Variants in BFSP2 observed in about 807,000 individuals in gnomAD.
BFSP2 encodes beaded filament structural protein 2.
BFSP2 carries 38 observed loss-of-function variants against 44.9 expected under a neutral mutation model. That is an observed-to-expected ratio of 0.85 (90% CI 0.65 to 1.11). The LOEUF (loss-of-function observed/expected upper bound fraction) is 1.11. Ranked by LOEUF, BFSP2 falls within the 50% of genes least tolerant of loss-of-function variation. BFSP2 has a pLI of 0.00. For synonymous variants in BFSP2, 197 were observed against 209.9 expected (o/e 0.94, Z 0.53); for missense variants, 525 against 533.0 (o/e 0.99, Z 0.15).
At chr3:133,457,961 C>T (rs1161679884) in intron 4 of BFSP2, among the ~76,000 whole-genome samples, 2 of 152,218 alleles carry the variant, frequency 1.3e-5, no homozygotes, top group Non-Finnish European at 2.9e-5. Flanking sequence ...ACATGGTATA[C>T]CTCTCATTTC....
rs1313632535 is a variant in BFSP2 at position 133,472,378 on chromosome 3, A to G, written c.1057A>G (p.Lys353Glu). 2.5e-6 allele frequency: 4 copies of G among 1,613,864 alleles called. No homozygotes were observed. In the East Asian group the frequency reaches 8.9e-5, roughly 36 times the overall value. Residue 353 changes from lysine to glutamate, a missense_variant, in exon 6 of 7, where the codon AAG becomes GAG. Transcript: ENST00000302334. The part of the protein sequence containing the change: ...RGLENTLHDA[K>E]HWHDMELQNL... ...CCTGGAGAACACCTTGCACGATGCC[A>G]AGCACTGGCATGACATGGAGCTCCA...
chr3:133,442,776 G>A (rs2107917942), intron 1 of BFSP2, among the ~76,000 whole-genome samples: 1 of 152,186 alleles, frequency 6.6e-6, no homozygotes, highest in South Asian at 2.1e-4. Flanking sequence ...TGGTTTCCGG[G>A]TAGACATTGG....
At chr3:133,465,047 C>A (rs1254636584) in intron 4 of BFSP2, among the ~76,000 whole-genome samples, 1 of 150,200 alleles carries the variant, frequency 6.7e-6, no homozygotes, top group Non-Finnish European at 1.5e-5. Context: ...TCACTGTCAC[C>A]CAGGCTGGAG....
At chr3:133,451,052 A>G (rs1474292649) in intron 4 of BFSP2, among the ~76,000 whole-genome samples, 2 of 144,034 alleles carry the variant, frequency 1.4e-5, no homozygotes, top group African/African-American at 5.1e-5. Flanking sequence ...CGGAGCTTGT[A>G]GTGAGCCAAG....
At chr3:133,454,818 C>A (rs1160840589) in intron 4 of BFSP2, among the ~76,000 whole-genome samples, 1 of 152,356 alleles carries the variant, frequency 6.6e-6, no homozygotes, top group East Asian at 1.9e-4. Context: ...ACACGTCATA[C>A]AGCTATACAA....
intron 4 of BFSP2, among the ~76,000 whole-genome samples, chr3:133,459,365 C>G (rs907014065): frequency 3.9e-5 from 6 of 152,138 alleles, no homozygotes; most frequent in African/African-American, 1.4e-4. Flanking sequence ...ATAGAAAAAT[C>G]TATTTTTCTC....
intron 1 of BFSP2, among the ~76,000 whole-genome samples, chr3:133,417,169 C>A: frequency 7.3e-6 from 1 of 137,100 alleles, no homozygotes; most frequent in East Asian, 2.4e-4. Flanking sequence ...TCTACTCACC[C>A]CTGCCATCTC....
intron 1 of BFSP2, among the ~76,000 whole-genome samples, chr3:133,438,378 T>C (rs1343390352): frequency 6.6e-6 from 1 of 151,824 alleles, no homozygotes; most frequent in Non-Finnish European, 1.5e-5. Context: ...AATACAAAAT[T>C]ACAAAAATTA....
intron 1 of BFSP2, among the ~76,000 whole-genome samples, chr3:133,437,674 AAAAG>A (rs974067452): frequency 4.0e-5 from 6 of 151,272 alleles, no homozygotes; most frequent in African/African-American, 7.3e-5. Flanking sequence ...GAAAGAAAGA[AAAAG>A]AAAGAAAAAG....
At chr3:133,459,722 A>G (rs1202545733) in intron 4 of BFSP2, among the ~76,000 whole-genome samples, 2 of 152,206 alleles carry the variant, frequency 1.3e-5, no homozygotes, top group Non-Finnish European at 2.9e-5. Context: ...AATAAATCCT[A>G]CATCTGGCTG....
intron 1 of BFSP2, among the ~76,000 whole-genome samples, chr3:133,427,164 T>C (rs1372558462): frequency 2.6e-5 from 4 of 152,248 alleles, no homozygotes; most frequent in Admixed American, 2.6e-4. Context: ...CTGGTTTTAT[T>C]GATTCTGGGT....
chr3:133,436,648 C>T (rs2073786250), intron 1 of BFSP2, among the ~76,000 whole-genome samples: 2 of 152,184 alleles, frequency 1.3e-5, no homozygotes, highest in Non-Finnish European at 2.9e-5. Context: ...GGTACCTGTG[C>T]ACAACGTGCA....
intron 1 of BFSP2, among the ~76,000 whole-genome samples, chr3:133,443,348 C>G (rs2073863678): frequency 6.6e-6 from 1 of 151,788 alleles, no homozygotes; most frequent in Non-Finnish European, 1.5e-5. Context: ...TAGATCAGAC[C>G]ATTTAGTGAT....
chr3:133,402,358 A>G (rs978092050), intron 1 of BFSP2, among the ~76,000 whole-genome samples: 14 of 152,248 alleles, frequency 9.2e-5, no homozygotes, highest in African/African-American at 1.7e-4. Context: ...GGGTATAACA[A>G]TGCTTACATA....
chr3:133,453,356 C>T (rs1183534450), intron 4 of BFSP2, among the ~76,000 whole-genome samples: 1 of 152,174 alleles, frequency 6.6e-6, no homozygotes, highest in Non-Finnish European at 1.5e-5. Flanking sequence ...CCTTTCGGAC[C>T]ACAGAGGCTG....
At chr3:133,458,368 G>A (rs1465365031) in intron 4 of BFSP2, among the ~76,000 whole-genome samples, 1 of 152,170 alleles carries the variant, frequency 6.6e-6, no homozygotes, top group Non-Finnish European at 1.5e-5. Context: ...GGTAGGTACT[G>A]CCTACTCTTT....
intron 4 of BFSP2, among the ~76,000 whole-genome samples, chr3:133,456,200 C>G (rs2074011450): frequency 6.6e-6 from 1 of 152,210 alleles, no homozygotes. Context: ...TTTGAGGCAT[C>G]TGCGGTCAGG....
chr3:133,403,352 G>T (rs2073377374), intron 1 of BFSP2, among the ~76,000 whole-genome samples: 2 of 152,130 alleles, frequency 1.3e-5, no homozygotes, highest in African/African-American at 2.4e-5. Context: ...ACCTGCAGCT[G>T]CCTCTTCCCC....
intron 1 of BFSP2, among the ~76,000 whole-genome samples, chr3:133,401,747 C>T (rs899109872): frequency 2.0e-5 from 3 of 152,200 alleles, no homozygotes; most frequent in African/African-American, 4.8e-5. Context: ...AGACCCTTGG[C>T]CCCCTGGAGT....
Sources: allele counts gnomAD v4.1 joint callset (sites outside exome capture counted in the v4.1 genomes callset), GRCh38; gene constraint gnomAD v4.1.1; transcripts MANE v1.5; gene names NCBI Gene and HGNC (gene_info 2026-07-23, HGNC 2026-07-21).